The following KAZN variants were observed in gnomAD, a reference collection of about 807,000 sequenced individuals.
KAZN encodes the protein kazrin, periplakin interacting protein.
KAZN carries 40 observed loss-of-function variants against 87.4 expected under a neutral mutation model. The observed-to-expected ratio is 0.46, with a 90% CI of 0.36 to 0.60. The LOEUF (loss-of-function observed/expected upper bound fraction) is 0.60. Among genes scored for constraint, KAZN ranks in the 20% least tolerant of loss-of-function variants. The pLI is 0.00. For synonymous variants in KAZN, 466 were observed against 458.3 expected, an observed-to-expected ratio of 1.02 and a Z score of -0.22; for missense variants, 898 against 1,073.9, an observed-to-expected ratio of 0.84 and a Z score of 2.29.
At chr1:14,597,851 G>C (rs1676608609), upstream of KAZN, among the ~76,000 whole-genome samples, 1 of 152,174 alleles carries the variant, frequency 6.6e-6, no homozygotes, top group Admixed American at 6.5e-5. Context: ...TGTGGTCTGG[G>C]AGAGAAAGAG....
At chr1:14,522,230 G>C (rs185729597) in intron 2 of KAZN, among the ~76,000 whole-genome samples, 1 of 152,228 alleles carries the variant, frequency 6.6e-6, no homozygotes, top group Admixed American at 6.5e-5. Flanking sequence ...TAATGTCTTC[G>C]TTCTCCCCAG....
chr1:14,115,616 G>A (rs553265848), intron 1 of KAZN, among the ~76,000 whole-genome samples: 1 of 152,202 alleles, frequency 6.6e-6, no homozygotes, highest in Non-Finnish European at 1.5e-5. Context: ...TTTATCAGCA[G>A]CATGAAAATG....
intron 2 of KAZN, among the ~76,000 whole-genome samples, chr1:14,220,742 T>G (rs1280935200): frequency 1.3e-5 from 2 of 152,200 alleles, no homozygotes; most frequent in African/African-American, 4.8e-5. Context: ...TACAAATGCT[T>G]CTTCTGTGGA....
chr1:14,466,691 A>G lies in KAZN; in HGVS notation c.250-132292A>G, dbSNP rs375417203. 9.7e-4 allele frequency among the ~76,000 whole-genome samples: 147 copies of G among 151,314 alleles called. 1 individual carries two copies. The East Asian group carries it at 0.018, about 19-fold the overall frequency. On this transcript the variant is annotated intron_variant, in intron 2 of 16. Transcript: ENST00000636203. Reference sequence around the variant, plus strand: ...AAAAAAAAAAGAAGAAGAAACGGCCAGGCGCGGTGGCTCACGCCTGTAATC... The same window carrying G: ...AAAAAAAAAAGAAGAAGAAACGGCCGGGCGCGGTGGCTCACGCCTGTAATC...
At chr1:14,138,365 T>C (rs1645155690) in intron 1 of KAZN, among the ~76,000 whole-genome samples, 1 of 152,062 alleles carries the variant, frequency 6.6e-6, no homozygotes, top group South Asian at 2.1e-4. Flanking sequence ...CTTGACCACA[T>C]TCAGAAGGAA....
chr1:14,886,992 A>G (rs1416451925), intron 1 of KAZN, among the ~76,000 whole-genome samples: 4 of 152,168 alleles, frequency 2.6e-5, no homozygotes, highest in Admixed American at 2.6e-4. Flanking sequence ...TACTTGTGAA[A>G]TGAATAAATA....
intron 1 of KAZN, among the ~76,000 whole-genome samples, chr1:13,942,546 CAAAAAAAAAAA>C (rs55784948): frequency 1.4e-5 from 1 of 70,840 alleles, no homozygotes; most frequent in Non-Finnish European, 2.6e-5. Flanking sequence ...GACTCCGTCT[CAAAAAAAAAAA>C]AAAAAAAAAA....
Position 14,407,999 on chromosome 1 carries a change from G to A in KAZN, c.250-190984G>A, listed in dbSNP as rs191669869. Reference sequence around the variant, plus strand: ...CAATTCAATTTATCACATCCATGGGGAACTGGGCAAAGTGACTGACTTCAG... The same window carrying A: ...CAATTCAATTTATCACATCCATGGGAAACTGGGCAAAGTGACTGACTTCAG... On this transcript the variant is annotated intron_variant, in intron 2 of 16. Transcript: ENST00000636203. 4.0e-4 allele frequency among the ~76,000 whole-genome samples: 61 copies of A among 152,216 alleles called. 1 individual carries two copies. Among genetic ancestry groups the A allele is most frequent in the South Asian group, 2.3e-3 (11 of 4,818 alleles).
chr1:13,943,245 A>G (rs1211531477), intron 1 of KAZN, among the ~76,000 whole-genome samples: 1 of 152,148 alleles, frequency 6.6e-6, no homozygotes, highest in Admixed American at 6.5e-5. Flanking sequence ...AAGACAAACA[A>G]TTGACTTCCC....
At chr1:15,076,844 A>G (rs1639782311) in intron 8 of KAZN, among the ~76,000 whole-genome samples, 1 of 152,222 alleles carries the variant, frequency 6.6e-6, no homozygotes, top group Non-Finnish European at 1.5e-5. Flanking sequence ...ATCAGCACCC[A>G]CTGCAAACAT....
chr1:14,530,455 A>C (rs1183434775), intron 2 of KAZN, among the ~76,000 whole-genome samples: 1 of 152,142 alleles, frequency 6.6e-6, no homozygotes, highest in East Asian at 1.9e-4. Context: ...TCCAAATCTC[A>C]TGTTGAAATG....
At chr1:14,415,938 G>A (rs1006234554) in intron 2 of KAZN, among the ~76,000 whole-genome samples, 3 of 152,080 alleles carry the variant, frequency 2.0e-5, no homozygotes, top group Admixed American at 6.5e-5. Context: ...TCTGGCAAAG[G>A]GATGAGAAAA....
At chr1:15,043,522 G>T (rs77072341) in intron 3 of KAZN, among the ~76,000 whole-genome samples, 1 of 151,672 alleles carries the variant, frequency 6.6e-6, no homozygotes, top group Non-Finnish European at 1.5e-5. Flanking sequence ...TACTGGGTTC[G>T]TCTCTGTTCC....
intron 1 of KAZN, among the ~76,000 whole-genome samples, chr1:14,909,750 C>T (rs1657032482): frequency 1.3e-5 from 2 of 152,160 alleles, no homozygotes; most frequent in Admixed American, 6.5e-5. Context: ...TTGGTGCTTT[C>T]ATAAATGCAT....
At chr1:14,336,496 A>G (rs1571331043) in intron 2 of KAZN, among the ~76,000 whole-genome samples, 1 of 152,202 alleles carries the variant, frequency 6.6e-6, no homozygotes, top group African/African-American at 2.4e-5. Context: ...TGACTGTGTC[A>G]TATGCTAATT....
At chr1:14,451,607 A>AG (rs1491113668) in intron 2 of KAZN, among the ~76,000 whole-genome samples, 8 of 151,326 alleles carry the variant, frequency 5.3e-5, no homozygotes, top group African/African-American at 1.5e-4. Flanking sequence ...AGAGAGAGAG[A>AG]AAGAGAGAAA....
intron 2 of KAZN, among the ~76,000 whole-genome samples, chr1:14,993,741 T>G (rs1382165564): frequency 6.6e-6 from 1 of 152,134 alleles, no homozygotes; most frequent in Non-Finnish European, 1.5e-5. Context: ...TCCTGGGTGC[T>G]CTTGATGTGT....
chr1:13,941,244 T>A (rs1347217149), intron 1 of KAZN, among the ~76,000 whole-genome samples: 1 of 152,040 alleles, frequency 6.6e-6, no homozygotes, highest in Admixed American at 6.5e-5. Context: ...GGGGGGAATA[T>A]CTGCATAATC....
chr1:14,488,223 A>G (rs1419225556), intron 2 of KAZN, among the ~76,000 whole-genome samples: 2 of 152,174 alleles, frequency 1.3e-5, no homozygotes, highest in Non-Finnish European at 2.9e-5. Flanking sequence ...CCTTCAATAC[A>G]ATATTCTTGA....
Sources: allele counts gnomAD v4.1 joint callset (sites outside exome capture counted in the v4.1 genomes callset), GRCh38; gene constraint gnomAD v4.1.1; transcripts MANE v1.5; gene names NCBI Gene and HGNC (gene_info 2026-07-23, HGNC 2026-07-21).